The following HOXA3 variants were observed in gnomAD, a reference collection of about 807,000 sequenced individuals.
HOXA3 encodes homeobox protein Hox-A3.
A neutral mutation model predicts 30.3 loss-of-function variants in HOXA3; 8 were observed. That is an observed-to-expected ratio of 0.26 (90% CI 0.15 to 0.48). The LOEUF (loss-of-function observed/expected upper bound fraction) is 0.48. Among genes scored for constraint, HOXA3 ranks in the 20% least tolerant of loss-of-function variants. The probability of loss-of-function intolerance (pLI) is 0.99; values close to 1 mark genes in which losing one functional copy is unlikely to be tolerated. For missense variants in HOXA3, 653 were observed against 614.4 expected (o/e 1.06, Z -0.66); for synonymous variants, 323 against 273.1 (o/e 1.18, Z -1.80).
intron 5 of HOXA3, among the ~76,000 whole-genome samples, chr7:27,109,352 G>T (rs988789640): frequency 1.3e-5 from 2 of 152,160 alleles, no homozygotes; most frequent in Admixed American, 6.5e-5. Context: ...CCCAGCTTTT[G>T]TCCACTAATC....
intron 2 of HOXA3, chr7:27,129,455 G>GC: frequency 1.9e-6 from 3 of 1,614,154 alleles, no homozygotes; most frequent in Non-Finnish European, 2.5e-6. Context: ...ATCTCGATGC[G>GC]GCGCCGCCGG....
At chr7:27,138,999 T>C (rs2128058100) in intron 2 of HOXA3, among the ~76,000 whole-genome samples, 1 of 152,286 alleles carries the variant, frequency 6.6e-6, no homozygotes, top group East Asian at 1.9e-4. Context: ...TTCGCCTGTA[T>C]GTTGAGGGGG....
intron 2 of HOXA3, among the ~76,000 whole-genome samples, chr7:27,138,904 C>T (rs745891285): frequency 2.6e-5 from 4 of 152,168 alleles, no homozygotes; most frequent in Non-Finnish European, 4.4e-5. Context: ...GAAAAACAAC[C>T]TAATGGCTCT....
In HOXA3 at chr7:27,113,447, G is replaced by C. The variant is rs1031563113; in HGVS notation, c.-120-2687C>G. Among the ~76,000 whole-genome samples the C allele has an allele frequency of 2.0e-5, 3 of 152,146 alleles. No homozygotes were observed. Among genetic ancestry groups the C allele is most frequent in the Admixed American group, 6.5e-5 (1 of 15,284 alleles). On this transcript the variant is annotated intron_variant, in intron 4 of 5. Transcript: ENST00000612286. This position sits in a 1 kb window ranked among gnomAD's most constrained non-coding sequence, Gnocchi z 4.8. ...CTGGGCTAGGGGAGAGGCAAGAGGT[G>C]GGGGCGGGGATGGGAAAGCGGCCTG...
intron 1 of HOXA3, chr7:27,147,081 T>G: frequency 1.7e-6 from 1 of 587,120 alleles, no homozygotes; most frequent in Non-Finnish European, 3.0e-6. Context: ...CATCCTCCCC[T>G]AAGGTGTCAG....
At chr7:27,128,162 G>A (rs1326988114) in intron 2 of HOXA3, 2 of 152,120 alleles carry the variant, frequency 1.3e-5, no homozygotes, top group African/African-American at 4.8e-5. Context: ...AGAAACTCCT[G>A]GGCCCACAGC....
At chr7:27,143,016 C>G in intron 1 of HOXA3, 1 of 1,493,070 alleles carries the variant, frequency 6.7e-7, no homozygotes, top group African/African-American at 1.5e-5. Context: ...TCCCCGCGGT[C>G]GCGTGGATTT....
chr7:27,109,871 C>A (rs1460878457), intron 5 of HOXA3, among the ~76,000 whole-genome samples: 1 of 152,242 alleles, frequency 6.6e-6, no homozygotes, highest in Non-Finnish European at 1.5e-5. Context: ...CTGCACTAGA[C>A]CCTACTTGCC....
intron 1 of HOXA3, chr7:27,147,850 C>T (rs1782833150): frequency 9.3e-7 from 1 of 1,074,884 alleles, no homozygotes; most frequent in East Asian, 2.6e-5. Context: ...TGGCCGAACG[C>T]CAAAAGCGAC....
chr7:27,114,744 T>TAAACACACACACACACAC (rs146995564), intron 4 of HOXA3, among the ~76,000 whole-genome samples: 1 of 93,442 alleles, frequency 1.1e-5, no homozygotes. Context: ...ACCGACATCA[T>TAAACACACACACACACAC]ACACACACAC....
Position 27,110,762 on chromosome 7 carries a change from T to C in HOXA3, c.-120-2A>G. The C allele has an allele frequency of 6.8e-7, 1 of 1,477,426 alleles. No individual in the cohort carries two copies. The highest frequency in any genetic ancestry group is 1.2e-5 in the South Asian group (1 of 82,194). 91.5% of individuals were successfully genotyped at this position (1,477,426 alleles called of 1,614,324 possible). A position where few individuals can be genotyped will look rare whatever the true frequency, so the allele number is the denominator to read the frequency against. ...CGCCAATGGCCGCCCCGCGCAGACC[T>C]GGTGGGGCGAGAAGCGCAGCGCGGT... On this transcript the variant is annotated splice_acceptor_variant, in intron 4 of 5. Transcript: ENST00000612286. LOFTEE classifies it low-confidence loss of function (5UTR_SPLICE).
chr7:27,110,115 C>T lies in HOXA3; in HGVS notation c.526G>A (p.Gly176Ser). Residue 176 changes from glycine to serine, a missense_variant and splice_region_variant, in exon 5 of 6, where the codon GGC (glycine) becomes AGC (serine). Physicochemically the swap from Gly to Ser is moderately conservative, Grantham distance 56. Around this residue, in one of 3 missense-constraint regions of HOXA3, gnomAD observed 320 missense variants for 321.9 expected, o/e 0.99. Coordinates refer to ENST00000612286, the MANE Select transcript of HOXA3 (RefSeq NM_153631.3). ...CCTCTTCCAGAAGGCACTCCTTTAC[C>T]TGAGCTGGAGCTGCTGGTTTTCTGC... ...TKQKTSSSSS[G>S]ESCAGDKSPP... The T allele has an allele frequency of 6.2e-7, 1 of 1,614,178 alleles. No individual in the cohort carries two copies. The highest frequency in any genetic ancestry group is 8.5e-7 in the Non-Finnish European group (1 of 1,180,020).
In HOXA3 at chr7:27,147,211, T is replaced by G; in HGVS notation, c.-494+5077A>C. The G allele has an allele frequency of 3.2e-6, 4 of 1,235,900 alleles. No homozygotes were observed. In the South Asian group the frequency reaches 4.4e-5, roughly 14 times the overall value. The allele number at this position is 1,235,900 out of a possible 1,614,324, so 76.6% of individuals were successfully genotyped here. The stretch of plus-strand genomic sequence containing the variant: ...ACTTTGCTGGTTCTTTCATCCTTTC[T>G]TTCTCTCTATTCCTCTTTCTACTCT... On this transcript the variant is annotated intron_variant, in intron 1 of 5. Transcript: ENST00000612286.
rs1784092172 is a variant in HOXA3 at position 27,107,776 on chromosome 7, A to G, written c.*139T>C. 1 of 584,356 alleles carries G rather than the reference A, an allele frequency of 1.7e-6. No individual in the cohort carries two copies. The highest frequency in any genetic ancestry group is 2.8e-6 in the Non-Finnish European group (1 of 354,070). The allele number at this position is 584,356 out of a possible 1,614,324, so 36.2% of individuals were successfully genotyped here. ...TACCAACGAGGGGGGAAACCGGGAA[A>G]CGGAGTGCGGGGCGGAGAAGAGAGA... On this transcript the variant is annotated 3_prime_UTR_variant, in exon 6 of 6. Transcript: ENST00000612286.
intron 2 of HOXA3, among the ~76,000 whole-genome samples, chr7:27,127,472 G>T (rs2128052974): frequency 6.6e-6 from 1 of 152,366 alleles, no homozygotes; most frequent in South Asian, 2.1e-4. Context: ...ACTAATGAGA[G>T]AAATGTGTTT....
chr7:27,141,789 A>G (rs535561992), intron 1 of HOXA3: 3 of 1,597,038 alleles, frequency 1.9e-6, no homozygotes, highest in South Asian at 2.3e-5. Flanking sequence ...TACTGACACT[A>G]CGCGGGATCC....
Position 27,129,292 on chromosome 7 carries a change from G to A in HOXA3, c.-389-2222C>T, listed in dbSNP as rs777472924. 8.7e-6 allele frequency: 14 copies of A among 1,614,018 alleles called. No homozygotes were observed. The East Asian group carries it at 1.8e-4, about 21-fold the overall frequency. On this transcript the variant is annotated intron_variant, in intron 2 of 5. Transcript: ENST00000612286. ...GTGGGGATGGAGGTGTGGGCTCTGAGTTTGTGCTTTCCCTGGTGGGCCGGC... is the reference window on the plus strand; with the variant it reads ...GTGGGGATGGAGGTGTGGGCTCTGAATTTGTGCTTTCCCTGGTGGGCCGGC...
Position 27,108,549 on chromosome 7 carries a change from C to G in HOXA3, c.698G>C (p.Arg233Pro). 6.2e-7 allele frequency: 1 copy of G among 1,614,140 alleles called. No individual in the cohort carries two copies. Residue 233 changes from arginine to proline, a missense_variant, in exon 6 of 6, where the codon CGC (arginine) becomes CCC (proline). Physicochemically the swap from Arg to Pro is moderately radical, Grantham distance 103 (BLOSUM62 -2). Coordinates refer to ENST00000612286, the MANE Select transcript of HOXA3 (RefSeq NM_153631.3). The surrounding 1 kb of genome is among the most constrained non-coding windows in gnomAD (Gnocchi z 5.0). ...ATTCTGGAACCAGATCTTGATCTGGCGCTCAGTGAGGTTCAGCAGATTGGC... is the reference window on the plus strand; with the variant it reads ...ATTCTGGAACCAGATCTTGATCTGGGGCTCAGTGAGGTTCAGCAGATTGGC... ...EMANLLNLTERQIKIWFQNRR... is the reference protein window; with the variant it reads ...EMANLLNLTEPQIKIWFQNRR...
At chr7:27,139,190 C>T (rs575890450) in intron 2 of HOXA3, among the ~76,000 whole-genome samples, 6 of 152,234 alleles carry the variant, frequency 3.9e-5, no homozygotes, top group Non-Finnish European at 7.3e-5. Context: ...CCTGGGGATT[C>T]AAAGACTAAA....
Sources: gnomAD v4.1 joint callset for allele counts (sites outside exome capture counted in the v4.1 genomes callset) on GRCh38, gnomAD v4.1.1 for gene constraint, gnomAD v4.1.1 regional missense constraint, Gnocchi (gnomAD v3.1) non-coding constraint, MANE v1.5 for transcripts, NCBI Gene and HGNC (gene_info 2026-07-23, HGNC 2026-07-21) for gene names.